FBXL7: variants seen among roughly 807,000 people sequenced by gnomAD.
FBXL7 encodes F-box/LRR-repeat protein 7.
In FBXL7, 12 loss-of-function variants were observed where a neutral mutation model predicts 38.3. The observed-to-expected ratio is 0.31, with a 90% confidence interval of 0.20 to 0.51. The LOEUF (loss-of-function observed/expected upper bound fraction) is 0.51, where lower values mean the gene tolerates loss of function less well. Ranked by LOEUF, FBXL7 falls within the 20% of genes least tolerant of loss-of-function variation. FBXL7 has a pLI of 0.98. For missense variants in FBXL7, 567 were observed against 676.4 expected (o/e 0.84, Z 1.79); for synonymous variants, 297 against 300.9 (o/e 0.99, Z 0.13).
At chr5:15,640,736 C>A (rs1451089030) in intron 2 of FBXL7, among the ~76,000 whole-genome samples, 3 of 152,166 alleles carry the variant, frequency 2.0e-5, no homozygotes, top group Non-Finnish European at 2.9e-5. Flanking sequence ...TTTGGCCAGG[C>A]TGTTCTCAAA....
chr5:15,888,381 C>T (rs1199195708), intron 2 of FBXL7, among the ~76,000 whole-genome samples: 1 of 152,020 alleles, frequency 6.6e-6, no homozygotes, highest in Non-Finnish European at 1.5e-5. Flanking sequence ...ATGTGTGCCA[C>T]CACGCCTGGC....
At chr5:15,764,679 C>T (rs1388004957) in intron 2 of FBXL7, among the ~76,000 whole-genome samples, 8 of 152,240 alleles carry the variant, frequency 5.3e-5, no homozygotes, top group Non-Finnish European at 1.2e-4. Flanking sequence ...AATTGGCCAT[C>T]CCTGCATTTT....
chr5:15,523,126 A>T (rs115093994), intron 1 of FBXL7, among the ~76,000 whole-genome samples: 1,720 of 152,334 alleles, frequency 0.011, 17 homozygotes, highest in Middle Eastern at 0.051. Flanking sequence ...AGAAAGTCCT[A>T]TTGTACCGCA....
At chr5:15,637,775 G>A (rs925605680) in intron 2 of FBXL7, among the ~76,000 whole-genome samples, 2 of 152,246 alleles carry the variant, frequency 1.3e-5, no homozygotes, top group South Asian at 2.1e-4. Context: ...TTTTACTAAG[G>A]CATCATTCTC....
chr5:15,936,928 C>G lies in FBXL7; in HGVS notation c.1218C>G (p.Ser406=). ...YLAKNCTKLK[S]LDIGKCPLVS... ...CCAAGAACTGCACCAAACTCAAATCCCTGGATATCGGCAAATGCCCTTTGG... is the reference window on the plus strand; with the variant it reads ...CCAAGAACTGCACCAAACTCAAATCGCTGGATATCGGCAAATGCCCTTTGG... The change falls in exon 4 of 4, where the codon TCC becomes TCG. Residue 406 remains serine (S), a synonymous_variant. Coordinates refer to ENST00000504595, the MANE Select transcript of FBXL7 (RefSeq NM_012304.5). This position sits in a 1 kb window ranked among gnomAD's most constrained non-coding sequence, Gnocchi z 6.0. 6.2e-7 allele frequency: 1 copy of G among 1,614,052 alleles called. No individual in the cohort carries two copies. Among genetic ancestry groups the G allele is most frequent in the South Asian group, 1.1e-5 (1 of 91,090 alleles).
Position 15,936,965 on chromosome 5 carries a change from G to T in FBXL7, c.1255G>T (p.Gly419Cys). 1 of 1,614,020 alleles carries T rather than the reference G, an allele frequency of 6.2e-7. No individual in the cohort carries two copies. The highest frequency in any genetic ancestry group is 8.5e-7 in the Non-Finnish European group (1 of 1,179,896). Residue 419 changes from glycine to cysteine, a missense_variant, in exon 4 of 4, where the codon GGC becomes TGC. Physicochemically the swap from Gly to Cys is radical, Grantham distance 159. Transcript: ENST00000504595. The surrounding 1 kb of genome is among the most constrained non-coding windows in gnomAD (Gnocchi z 6.0). The part of the protein sequence containing the change: ...IGKCPLVSDT[G>C]LECLALNCFN... ...CAAATGCCCTTTGGTATCCGACACG[G>T]GCCTGGAGTGCCTGGCCCTGAACTG... is the stretch of plus-strand genomic sequence containing the variant.
At chr5:15,807,443 T>C (rs956791013) in intron 2 of FBXL7, among the ~76,000 whole-genome samples, 2 of 152,030 alleles carry the variant, frequency 1.3e-5, no homozygotes, top group South Asian at 2.1e-4. Context: ...GTTCTGGAAA[T>C]CCCAGAGAGC....
intron 2 of FBXL7, among the ~76,000 whole-genome samples, chr5:15,844,852 T>TC (rs1738849678): frequency 6.6e-6 from 1 of 152,124 alleles, no homozygotes; most frequent in African/African-American, 2.4e-5. Flanking sequence ...TCTCAATCAT[T>TC]CACAGACCAC....
At chr5:15,585,065 ATTAT>A (rs979069320) in intron 1 of FBXL7, among the ~76,000 whole-genome samples, 1 of 152,226 alleles carries the variant, frequency 6.6e-6, no homozygotes, top group African/African-American at 2.4e-5. Context: ...TTTATAATTA[ATTAT>A]TAAGAATTAA....
chr5:15,500,187 C>G lies in FBXL7; in HGVS notation c.-490C>G, dbSNP rs1307411529. ...GGCCCGCGGGCGAGCTGCGCCGGGT[C>G]GCTAGTCTTCACTCGCTCCGGGGAC... is the stretch of plus-strand genomic sequence containing the variant. On this transcript the variant is annotated 5_prime_UTR_variant, in exon 1 of 4. Coordinates refer to ENST00000504595, the MANE Select transcript of FBXL7 (RefSeq NM_012304.5). 3.3e-5 allele frequency: 5 copies of G among 152,034 alleles called. No homozygotes were observed. The highest frequency in any genetic ancestry group is 1.2e-4 in the African/African-American group (5 of 41,428). 9.4% of individuals were successfully genotyped at this position (152,034 alleles called of 1,614,324 possible).
intron 2 of FBXL7, among the ~76,000 whole-genome samples, chr5:15,691,544 C>T (rs934055849): frequency 6.6e-6 from 1 of 152,168 alleles, no homozygotes; most frequent in African/African-American, 2.4e-5. Flanking sequence ...GAGGTTACTC[C>T]ACCCAAGAGG....
At chr5:15,821,170 T>A (rs1465426234) in intron 2 of FBXL7, among the ~76,000 whole-genome samples, 1 of 152,254 alleles carries the variant, frequency 6.6e-6, no homozygotes, top group Non-Finnish European at 1.5e-5. Context: ...AAGAAATCAC[T>A]GGGAATTTCA....
chr5:15,859,816 C>T lies in FBXL7; in HGVS notation c.128-68074C>T, dbSNP rs148176324. 4.2e-3 allele frequency among the ~76,000 whole-genome samples: 636 copies of T among 152,158 alleles called. 5 individuals are homozygous for T. Among genetic ancestry groups the T allele is most frequent in the African/African-American group, 0.014 (589 of 41,520 alleles). Reference sequence around the variant, plus strand: ...ATGTCACCACTCAAGATATCAATAGCGCCAAGGCTGAGAAACCCTGACCCA... The same window carrying T: ...ATGTCACCACTCAAGATATCAATAGTGCCAAGGCTGAGAAACCCTGACCCA... On this transcript the variant is annotated intron_variant, in intron 2 of 3. Coordinates refer to ENST00000504595, the MANE Select transcript of FBXL7 (RefSeq NM_012304.5).
At chr5:15,523,278 G>T (rs1218600008) in intron 1 of FBXL7, among the ~76,000 whole-genome samples, 1 of 152,214 alleles carries the variant, frequency 6.6e-6, no homozygotes, top group Non-Finnish European at 1.5e-5. Context: ...CACATAGTAG[G>T]CTGGGTGCGG....
chr5:15,677,327 C>T (rs1263225907), intron 2 of FBXL7, among the ~76,000 whole-genome samples: 2 of 151,958 alleles, frequency 1.3e-5, no homozygotes, highest in African/African-American at 2.4e-5. Context: ...ATTAGCTGGG[C>T]GTGATGGAGT....
chr5:15,853,485 G>A lies in FBXL7; in HGVS notation c.128-74405G>A, dbSNP rs372366629. Among the ~76,000 whole-genome samples, 365 of 152,190 alleles carry A rather than the reference G, an allele frequency of 2.4e-3. 2 individuals are homozygous for A. Among genetic ancestry groups the A allele is most frequent in the African/African-American group, 8.4e-3 (350 of 41,530 alleles). On this transcript the variant is annotated intron_variant, in intron 2 of 3. Coordinates refer to ENST00000504595, the MANE Select transcript of FBXL7 (RefSeq NM_012304.5). ...ACTTGGGGCTAGTGGCAGGGGTGGC[G>A]AGAGGTGAGCGGGGAACATCTATTC...
chr5:15,735,196 G>A, intron 2 of FBXL7, among the ~76,000 whole-genome samples: 1 of 152,226 alleles, frequency 6.6e-6, no homozygotes. Context: ...GCCTCCCAAA[G>A]TGCTGGGAGT....
intron 1 of FBXL7, among the ~76,000 whole-genome samples, chr5:15,570,664 CCAGCA>C (rs1215563109): frequency 2.6e-5 from 4 of 152,156 alleles, no homozygotes; most frequent in Non-Finnish European, 4.4e-5. Flanking sequence ...CGTGTGTGTG[CCAGCA>C]TTAACAGAAG....
rs537482642 is a variant in FBXL7 at position 15,541,654 on chromosome 5, C to T, written c.37+40941C>T. ...CTGCCTTCCAGGTTCAAGCAATTCT[C>T]GTGCCTCAGCCTCCCAAGTAGCTGG... On this transcript the variant is annotated intron_variant, in intron 1 of 3. Coordinates refer to ENST00000504595, the MANE Select transcript of FBXL7 (RefSeq NM_012304.5). Among the ~76,000 whole-genome samples, 37 of 148,778 alleles carry T rather than the reference C, an allele frequency of 2.5e-4. 1 individual carries two copies. The highest frequency in any genetic ancestry group is 6.9e-4 in the African/African-American group (28 of 40,330).
Sources: gnomAD v4.1 joint callset for allele counts (sites outside exome capture counted in the v4.1 genomes callset) on GRCh38, gnomAD v4.1.1 for gene constraint, Gnocchi (gnomAD v3.1) non-coding constraint, MANE v1.5 for transcripts, NCBI Gene and HGNC (gene_info 2026-07-23, HGNC 2026-07-21) for gene names.